NAV3: variants seen among roughly 807,000 people sequenced by gnomAD.
NAV3 encodes neuron navigator 3.
NAV3 carries 87 observed loss-of-function variants against 244.7 expected under a neutral mutation model. The observed-to-expected ratio is 0.36, with a 90% confidence interval of 0.30 to 0.42. The LOEUF (loss-of-function observed/expected upper bound fraction) is 0.42, where lower values mean the gene tolerates loss of function less well. Ranked by LOEUF, NAV3 falls within the 20% of genes least tolerant of loss-of-function variation. The pLI, the probability that NAV3 is intolerant of heterozygous loss-of-function variation, is 1.00. For missense variants in NAV3, 2,663 were observed against 2,893.3 expected, an observed-to-expected ratio of 0.92 and a Z score of 1.83; for synonymous variants, 1,126 against 1,042.2, an observed-to-expected ratio of 1.08 and a Z score of -1.55.
chr12:77,697,064 T>C (rs982914424), intron 2 of NAV3, among the ~76,000 whole-genome samples: 5 of 152,172 alleles, frequency 3.3e-5, no homozygotes, highest in African/African-American at 1.2e-4. Flanking sequence ...TGACCCAGTT[T>C]CCTTCTCCCA....
At chr12:77,962,490 TTC>T (rs1486376820) in intron 3 of NAV3, among the ~76,000 whole-genome samples, 2 of 152,188 alleles carry the variant, frequency 1.3e-5, no homozygotes, top group Non-Finnish European at 1.5e-5. Flanking sequence ...TTCTTGACTC[TTC>T]TCTTTCTCTC....
chr12:78,121,209 A>G (rs1330891922), intron 15 of NAV3, among the ~76,000 whole-genome samples: 1 of 152,200 alleles, frequency 6.6e-6, no homozygotes, highest in Non-Finnish European at 1.5e-5. Flanking sequence ...CATAAATTTG[A>G]TTCTACCATC....
At chr12:77,818,756 C>T (rs1445573429) in intron 2 of NAV3, among the ~76,000 whole-genome samples, 1 of 151,974 alleles carries the variant, frequency 6.6e-6, no homozygotes, top group South Asian at 2.1e-4. Context: ...AATATTGCGT[C>T]GATTCTGCAT....
chr12:77,911,355 T>A (rs1374290888), intron 1 of NAV3, among the ~76,000 whole-genome samples: 1 of 150,428 alleles, frequency 6.6e-6, no homozygotes, highest in Non-Finnish European at 1.5e-5. Flanking sequence ...CAGCATAACA[T>A]TTTTCCACCA....
At chr12:78,040,891 T>G (rs1367023046) in intron 9 of NAV3, among the ~76,000 whole-genome samples, 1 of 152,210 alleles carries the variant, frequency 6.6e-6, no homozygotes, top group African/African-American at 2.4e-5. Context: ...TTGAATAAAT[T>G]TCTTCTTTGT....
chr12:77,749,168 GT>G (rs1868711186), intron 2 of NAV3, among the ~76,000 whole-genome samples: 2 of 152,162 alleles, frequency 1.3e-5, no homozygotes, highest in South Asian at 4.1e-4. Context: ...ATGTGTTATT[GT>G]TCAACAGTGA....
intron 24 of NAV3, 45 bp downstream of exon 24, chr12:78,168,911 C>T: frequency 8.0e-7 from 1 of 1,252,888 alleles, no homozygotes; most frequent in Non-Finnish European, 1.1e-6. Context: ...TAATAGACAT[C>T]TATTTTATTT....
chr12:77,945,273 G>T (rs1247979337), intron 3 of NAV3, among the ~76,000 whole-genome samples: 1 of 152,158 alleles, frequency 6.6e-6, no homozygotes, highest in African/African-American at 2.4e-5. Context: ...CCTAAAGGAA[G>T]TAGAAGAGGA....
chr12:77,869,340 G>A (rs551940566), intron 1 of NAV3, among the ~76,000 whole-genome samples: 3 of 152,224 alleles, frequency 2.0e-5, no homozygotes, highest in African/African-American at 7.2e-5. Flanking sequence ...TAAATATTAA[G>A]TAAAAACAAT....
At chr12:78,194,902 TA>T (rs951915170) in intron 34 of NAV3, among the ~76,000 whole-genome samples, 6 of 152,072 alleles carry the variant, frequency 3.9e-5, no homozygotes, top group African/African-American at 1.4e-4. Context: ...GCCACCACAG[TA>T]CATTTTCCAG....
intron 2 of NAV3, among the ~76,000 whole-genome samples, chr12:77,643,558 TA>T (rs1269134027): frequency 2.0e-5 from 3 of 151,726 alleles, no homozygotes; most frequent in Non-Finnish European, 2.9e-5. Context: ...ATTCTAATGG[TA>T]TAGTTACCAA....
intron 12 of NAV3, among the ~76,000 whole-genome samples, chr12:78,072,892 C>A (rs1952849299): frequency 8.0e-6 from 1 of 124,682 alleles, no homozygotes; most frequent in African/African-American, 2.9e-5. Context: ...ATACGCAAAT[C>A]AATAAATGTA....
Position 78,118,315 on chromosome 12 carries a change from C to T in NAV3, c.3040+18C>T, listed in dbSNP as rs936999840. 1 of 1,577,136 alleles carries T rather than the reference C, an allele frequency of 6.3e-7. No homozygotes were observed. Among genetic ancestry groups the T allele is most frequent in the Non-Finnish European group, 8.6e-7 (1 of 1,159,146 alleles). On this transcript the variant is annotated intron_variant, in intron 14 of 39. Coordinates refer to ENST00000397909, the MANE Select transcript of NAV3 (RefSeq NM_001024383.2). Reference sequence around the variant, plus strand: ...AACACCCGGTAGGCTTGTCGTTTGCCAGCTGTTATGCAAAAGTGCTTTACT... The same window carrying T: ...AACACCCGGTAGGCTTGTCGTTTGCTAGCTGTTATGCAAAAGTGCTTTACT...
intron 9 of NAV3, among the ~76,000 whole-genome samples, chr12:78,049,404 G>A (rs1345455916): frequency 6.6e-6 from 1 of 152,184 alleles, no homozygotes; most frequent in Non-Finnish European, 1.5e-5. Context: ...TAGTATCTGG[G>A]CTGGATAGCT....
intron 19 of NAV3, among the ~76,000 whole-genome samples, chr12:78,137,575 A>T (rs1400425398): frequency 6.6e-6 from 1 of 152,186 alleles, no homozygotes; most frequent in Non-Finnish European, 1.5e-5. Context: ...GTTTATATTA[A>T]TACTTGGCTG....
chr12:77,657,510 C>A (rs1025989861), intron 2 of NAV3, among the ~76,000 whole-genome samples: 8 of 152,114 alleles, frequency 5.3e-5, no homozygotes. Context: ...GGATTCACAG[C>A]CGAATTCTAC....
At position 77,831,195 on chromosome 12, in the gene NAV3, C is replaced by CAGAGAGAGAGAG. The variant is rs71088342; in HGVS notation, c.-255_-244dup. 7.4e-4 allele frequency: 108 copies of CAGAGAGAGAGAG among 145,180 alleles called. No individual in the cohort carries two copies. The highest frequency in any genetic ancestry group is 2.2e-3 in the African/African-American group (71 of 32,726). The allele number at this position is 145,180 out of a possible 1,614,324, so 9.0% of individuals were successfully genotyped here. ...AGAGAGAGAGAGAGAGAGAGAGAGA[C>CAGAGAGAGAGAG]AGAGAGAGAGAGAGAGAGAGAGAAA... On this transcript the variant is annotated 5_prime_UTR_variant, in exon 1 of 40. Coordinates refer to ENST00000397909, the MANE Select transcript of NAV3 (RefSeq NM_001024383.2).
At chr12:78,019,589 A>G (rs1876809286) in intron 8 of NAV3, among the ~76,000 whole-genome samples, 1 of 152,210 alleles carries the variant, frequency 6.6e-6, no homozygotes, top group Non-Finnish European at 1.5e-5. Context: ...TTTTAAAAAT[A>G]GTCACTTGAG....
In NAV3 at chr12:78,210,574, A is replaced by G; in HGVS notation, c.*57A>G. On this transcript the variant is annotated 3_prime_UTR_variant, in exon 40 of 40. Coordinates refer to ENST00000397909, the MANE Select transcript of NAV3 (RefSeq NM_001024383.2). The stretch of plus-strand genomic sequence containing the variant: ...CTTTTAAAAAAATGTTTCAAAAGAA[A>G]GGTATTTTCACTAAACCACTGCCAG... 1 of 1,591,586 alleles carries G rather than the reference A, an allele frequency of 6.3e-7. No homozygotes were observed. Among genetic ancestry groups the G allele is most frequent in the Non-Finnish European group, 8.6e-7 (1 of 1,169,230 alleles).
Sources: gnomAD v4.1 joint callset for allele counts (sites outside exome capture counted in the v4.1 genomes callset) on GRCh38, gnomAD v4.1.1 for gene constraint, MANE v1.5 for transcripts, NCBI Gene and HGNC (gene_info 2026-07-23, HGNC 2026-07-21) for gene names.